The following TTC28 variants were observed in gnomAD, a reference collection of about 807,000 sequenced individuals.
TTC28 encodes the protein tetratricopeptide repeat protein 28.
In TTC28, 61 loss-of-function variants were observed where a neutral mutation model predicts 198.0. The observed-to-expected ratio is 0.31, with a 90% CI of 0.25 to 0.38. The LOEUF (loss-of-function observed/expected upper bound fraction) is 0.38, where lower values mean the gene tolerates loss of function less well. TTC28 is among the 10% of genes least tolerant of loss of function. TTC28 has a pLI of 1.00. For missense variants in TTC28, 2,678 were observed against 3,164.0 expected (o/e 0.85, Z 3.69); for synonymous variants, 1,171 against 1,297.8 (o/e 0.90, Z 2.10).
intron 17 of TTC28, among the ~76,000 whole-genome samples, chr22:27,995,014 C>T (rs768061165): frequency 6.6e-6 from 1 of 152,172 alleles, no homozygotes; most frequent in Non-Finnish European, 1.5e-5. Flanking sequence ...ACAGTGTTCA[C>T]ATACTGACTA....
At chr22:28,576,480 G>C (rs1269584382) in intron 2 of TTC28, among the ~76,000 whole-genome samples, 1 of 151,984 alleles carries the variant, frequency 6.6e-6, no homozygotes, top group Non-Finnish European at 1.5e-5. Flanking sequence ...AGTTTTCGTA[G>C]TGGTAATATT....
In TTC28 at chr22:27,982,105, G is replaced by C; in HGVS notation, c.*116C>G. Reference sequence around the variant, plus strand: ...CGTGGTGGTGCCCCTCGCCTGCAGAGCACAGCATCATGAGGGTGCTGGTGG... The same window carrying C: ...CGTGGTGGTGCCCCTCGCCTGCAGACCACAGCATCATGAGGGTGCTGGTGG... On this transcript the variant is annotated 3_prime_UTR_variant, in exon 23 of 23. Coordinates refer to ENST00000397906, the MANE Select transcript of TTC28 (RefSeq NM_001145418.2). This position sits in a 1 kb window ranked among gnomAD's most constrained non-coding sequence, Gnocchi z 5.2. The C allele has an allele frequency of 2.7e-6, 3 of 1,124,144 alleles. No homozygotes were observed. Among genetic ancestry groups the C allele is most frequent in the Non-Finnish European group, 3.7e-6 (3 of 811,958 alleles). The allele number at this position is 1,124,144 out of a possible 1,614,324, so 69.6% of individuals were successfully genotyped here.
chr22:28,478,004 A>T (rs1222092596), intron 2 of TTC28, among the ~76,000 whole-genome samples: 1 of 152,178 alleles, frequency 6.6e-6, no homozygotes. Context: ...TGCTTACAGC[A>T]ACTGGACCAC....
chr22:28,366,903 C>T (rs134515), intron 2 of TTC28, among the ~76,000 whole-genome samples: 148,861 of 152,154 alleles, frequency 0.98, 72,818 homozygotes, highest in East Asian at 0.99. Context: ...TGTAAATATA[C>T]ATGCACCCAA....
intron 2 of TTC28, among the ~76,000 whole-genome samples, chr22:28,618,157 C>A (rs973306374): frequency 2.0e-5 from 3 of 151,950 alleles, no homozygotes; most frequent in African/African-American, 7.3e-5. Context: ...TGCCTGTAAT[C>A]CTAGATACTT....
At chr22:28,185,228 T>C (rs1924079513) in intron 5 of TTC28, among the ~76,000 whole-genome samples, 1 of 152,214 alleles carries the variant, frequency 6.6e-6, no homozygotes. Flanking sequence ...AGGCTGTTTC[T>C]GAGTTGCCAT....
At chr22:28,057,577 T>C (rs540609882) in intron 12 of TTC28, among the ~76,000 whole-genome samples, 37 of 152,276 alleles carry the variant, frequency 2.4e-4, no homozygotes, top group Admixed American at 9.2e-4. Context: ...ATTTTCTTCA[T>C]GATGTATTTT....
At chr22:28,271,212 T>C (rs543523582) in intron 5 of TTC28, among the ~76,000 whole-genome samples, 37 of 152,032 alleles carry the variant, frequency 2.4e-4, no homozygotes, top group Non-Finnish European at 3.7e-4. Context: ...GCTGGGATTA[T>C]AGGCATGCAC....
intron 5 of TTC28, among the ~76,000 whole-genome samples, chr22:28,279,697 C>A (rs2044546419): frequency 1.3e-5 from 2 of 152,142 alleles, no homozygotes; most frequent in Non-Finnish European, 2.9e-5. Flanking sequence ...CACACACATA[C>A]ACCTAGGTAA....
chr22:28,260,841 C>T (rs970735412), intron 5 of TTC28, among the ~76,000 whole-genome samples: 2 of 152,150 alleles, frequency 1.3e-5, no homozygotes, highest in South Asian at 2.1e-4. Flanking sequence ...TGCCCTTGTC[C>T]TTTCATGTAA....
intron 2 of TTC28, among the ~76,000 whole-genome samples, chr22:28,549,867 A>G (rs1238420224): frequency 1.3e-5 from 2 of 152,240 alleles, no homozygotes; most frequent in African/African-American, 4.8e-5. Context: ...GAGATCACCG[A>G]TTTCACAAAA....
At chr22:28,088,873 CAGA>C (rs1375345805) in intron 12 of TTC28, among the ~76,000 whole-genome samples, 9 of 152,336 alleles carry the variant, frequency 5.9e-5, no homozygotes, top group South Asian at 2.1e-4. Context: ...AGACACTTCT[CAGA>C]AGAAGACATT....
At chr22:28,155,605 T>G (rs1943732923) in intron 6 of TTC28, among the ~76,000 whole-genome samples, 3 of 152,098 alleles carry the variant, frequency 2.0e-5, no homozygotes, top group African/African-American at 4.8e-5. Flanking sequence ...AAAAGATGGG[T>G]GACAAGACAG....
At chr22:28,424,459 T>C (rs548617545) in intron 2 of TTC28, among the ~76,000 whole-genome samples, 1 of 152,314 alleles carries the variant, frequency 6.6e-6, no homozygotes, top group Admixed American at 6.5e-5. Flanking sequence ...CATTGTATTA[T>C]AATTAAATAT....
chr22:28,333,919 T>G (rs1375221351), intron 2 of TTC28, among the ~76,000 whole-genome samples: 1 of 152,146 alleles, frequency 6.6e-6, no homozygotes, highest in African/African-American at 2.4e-5. Flanking sequence ...GTTACATATG[T>G]ATACATGTGC....
intron 2 of TTC28, among the ~76,000 whole-genome samples, chr22:28,552,371 GA>G (rs1286479547): frequency 1.3e-5 from 2 of 151,564 alleles, no homozygotes; most frequent in East Asian, 1.9e-4. Flanking sequence ...CACGGAACGA[GA>G]AAAAAAATCC....
chr22:28,067,078 A>G (rs1395750463), intron 12 of TTC28, among the ~76,000 whole-genome samples: 1 of 152,138 alleles, frequency 6.6e-6, no homozygotes, highest in Admixed American at 6.5e-5. Flanking sequence ...CACTTTTCTC[A>G]TAATAACCAA....
chr22:28,604,481 C>T (rs1163963741), intron 2 of TTC28, among the ~76,000 whole-genome samples: 2 of 151,708 alleles, frequency 1.3e-5, no homozygotes, highest in Non-Finnish European at 2.9e-5. Context: ...CAGTGGCTCA[C>T]GCCTGTAATC....
At chr22:28,426,762 C>A (rs1413447214) in intron 2 of TTC28, among the ~76,000 whole-genome samples, 1 of 152,136 alleles carries the variant, frequency 6.6e-6, no homozygotes, top group Admixed American at 6.6e-5. Context: ...TCAGAAATGG[C>A]CTTTTGTTTC....
Sources: allele counts gnomAD v4.1 joint callset (sites outside exome capture counted in the v4.1 genomes callset), GRCh38; gene constraint gnomAD v4.1.1; non-coding constraint Gnocchi (gnomAD v3.1); transcripts MANE v1.5; gene names NCBI Gene and HGNC (gene_info 2026-07-23, HGNC 2026-07-21).